Variants in TRIM33 observed in about 807,000 individuals in gnomAD.
TRIM33 encodes E3 ubiquitin-protein ligase TRIM33.
TRIM33 carries 20 observed loss-of-function variants against 125.4 expected under a neutral mutation model. The ratio of observed to expected loss-of-function variants is 0.16; its 90% CI spans 0.11 to 0.23. TRIM33 has a LOEUF of 0.23. Among genes scored for constraint, TRIM33 ranks in the 10% least tolerant of loss-of-function variants. The pLI, the probability that TRIM33 is intolerant of heterozygous loss-of-function variation, is 1.00. For synonymous variants in TRIM33, 564 were observed against 513.9 expected (o/e 1.10, Z -1.32); for missense variants, 920 against 1,411.4 (o/e 0.65, Z 5.58).
At position 114,511,045 on chromosome 1, in the gene TRIM33, T is replaced by C; in HGVS notation, c.32A>G (p.Glu11Gly). MAENKGGGEA[E>G]SGGGGSGSAP... is the part of the protein sequence containing the mutation. ...GCTGCCGCTGCCCCCGCCGCCGCTC[T>C]CAGCCTCGCCGCCGCCTTTGTTTTC... Residue 11 changes from glutamate (E) to glycine (G), a missense_variant, in exon 1 of 20, where the codon GAG (glutamate) becomes GGG (glycine). Around this residue, in one of 8 missense-constraint regions of TRIM33, gnomAD observed 233 missense variants for 189.6 expected, o/e 1.23. Transcript: ENST00000358465. 7.6e-7 allele frequency: 1 copy of C among 1,310,748 alleles called. No homozygotes were observed. Among genetic ancestry groups the C allele is most frequent in the South Asian group, 1.9e-5 (1 of 54,030 alleles). The allele number at this position is 1,310,748 out of a possible 1,614,324, so 81.2% of individuals were successfully genotyped here. A position where few individuals can be genotyped will look rare whatever the true frequency, so the allele number is the denominator to read the frequency against.
intron 4 of TRIM33, among the ~76,000 whole-genome samples, chr1:114,461,240 A>G (rs1649970326): frequency 6.8e-6 from 1 of 146,272 alleles, no homozygotes; most frequent in Admixed American, 6.9e-5. Flanking sequence ...ATATATACAT[A>G]TATTTATATT....
At chr1:114,502,606 A>C (rs1204977713) in intron 1 of TRIM33, among the ~76,000 whole-genome samples, 1 of 152,168 alleles carries the variant, frequency 6.6e-6, no homozygotes, top group Non-Finnish European at 1.5e-5. Flanking sequence ...TCCCAGCCTC[A>C]AGTGATCCTC....
intron 4 of TRIM33, among the ~76,000 whole-genome samples, chr1:114,444,724 G>A (rs1648869266): frequency 6.6e-6 from 1 of 152,158 alleles, no homozygotes; most frequent in East Asian, 1.9e-4. Flanking sequence ...TTCAGAGGAA[G>A]ATAAAATTTC....
chr1:114,420,298 A>G, intron 11 of TRIM33: 1 of 667,404 alleles, frequency 1.5e-6, no homozygotes, highest in South Asian at 1.5e-5. Flanking sequence ...AGTGTCTACT[A>G]TCTTGGCCTT....
rs1339018894 is a variant in TRIM33 at position 114,433,665 on chromosome 1, A to G, written c.992T>C (p.Leu331Pro). Reference protein sequence around the residue: ...GAIENLLAKLLEKKNYVHFAA... With the variant: ...GAIENLLAKLPEKKNYVHFAA... Reference sequence around the variant, plus strand: ...AAAATGAACATAATTCTTCTTCTCAAGAAGTTTCGCCAGTAGATTCTCAAT... The same window carrying G: ...AAAATGAACATAATTCTTCTTCTCAGGAAGTTTCGCCAGTAGATTCTCAAT... The change falls in exon 5 of 20, where the codon CTT becomes CCT. Residue 331 changes from leucine (L) to proline (P), a missense_variant. By Grantham distance (98) the Leu-to-Pro change is moderately conservative. Coordinates refer to ENST00000358465, the MANE Select transcript of TRIM33 (RefSeq NM_015906.4). 1 of 1,612,888 alleles carries G rather than the reference A, an allele frequency of 6.2e-7. No individual in the cohort carries two copies. Among genetic ancestry groups the G allele is most frequent in the South Asian group, 1.1e-5 (1 of 90,786 alleles).
intron 4 of TRIM33, among the ~76,000 whole-genome samples, chr1:114,461,382 T>G (rs1649990997): frequency 6.7e-6 from 1 of 150,060 alleles, no homozygotes; most frequent in Non-Finnish European, 1.5e-5. Context: ...AATGGCAGTT[T>G]GCAGGACTGA....
intron 1 of TRIM33, among the ~76,000 whole-genome samples, chr1:114,490,313 A>G (rs1046764349): frequency 6.6e-6 from 1 of 152,186 alleles, no homozygotes; most frequent in Non-Finnish European, 1.5e-5. Context: ...ATTAGCCACA[A>G]AAGAAATGCA....
intron 4 of TRIM33, among the ~76,000 whole-genome samples, chr1:114,439,569 T>A (rs115349929): frequency 0.026 from 3,839 of 148,816 alleles, 89 homozygotes; most frequent in Non-Finnish European, 0.034. Context: ...GAAAAGTCAT[T>A]AGTACATTAA....
intron 4 of TRIM33, among the ~76,000 whole-genome samples, chr1:114,434,512 GT>G (rs1490646898): frequency 5.9e-5 from 9 of 152,170 alleles, no homozygotes; most frequent in African/African-American, 1.9e-4. Context: ...AATGCTATAT[GT>G]TAAAATTTTC....
intron 11 of TRIM33, among the ~76,000 whole-genome samples, chr1:114,416,479 A>C (rs1227998896): frequency 1.3e-5 from 2 of 152,222 alleles, no homozygotes; most frequent in African/African-American, 4.8e-5. Flanking sequence ...TATAATCAAA[A>C]GCTATACAAA....
At chr1:114,441,793 C>T (rs189470376) in intron 4 of TRIM33, among the ~76,000 whole-genome samples, 7 of 152,316 alleles carry the variant, frequency 4.6e-5, no homozygotes, top group African/African-American at 1.7e-4. Flanking sequence ...CTCAAGTCTT[C>T]TCTCCTGATA....
intron 4 of TRIM33, among the ~76,000 whole-genome samples, chr1:114,443,365 C>G (rs1455160186): frequency 6.6e-6 from 1 of 151,614 alleles, no homozygotes; most frequent in African/African-American, 2.4e-5. Context: ...GCCTGGGTGA[C>G]AGAGTAAGAC....
intron 1 of TRIM33, among the ~76,000 whole-genome samples, chr1:114,467,573 G>A (rs1485502377): frequency 6.6e-6 from 1 of 152,012 alleles, no homozygotes; most frequent in Non-Finnish European, 1.5e-5. Context: ...TCAAATTTAG[G>A]AGACAGCTTT....
intron 13 of TRIM33, among the ~76,000 whole-genome samples, chr1:114,407,582 A>G (rs1423607203): frequency 6.6e-6 from 1 of 152,214 alleles, no homozygotes; most frequent in Non-Finnish European, 1.5e-5. Context: ...CACAGGAAAC[A>G]TGGAAGCTTA....
chr1:114,482,650 T>C lies in TRIM33; in HGVS notation c.527-18262A>G, dbSNP rs951293394. 3.9e-5 allele frequency among the ~76,000 whole-genome samples: 6 copies of C among 152,338 alleles called. No homozygotes were observed. In the South Asian group the frequency reaches 6.2e-4, roughly 16 times the overall value. The stretch of plus-strand genomic sequence containing the variant: ...TCTCATGTTGAATTGTAATCTCCAA[T>C]GTTGGAGGAGGGCCCCGGTGGGAGG... On this transcript the variant is annotated intron_variant, in intron 1 of 19. Coordinates refer to ENST00000358465, the MANE Select transcript of TRIM33 (RefSeq NM_015906.4).
chr1:114,489,747 A>T (rs187848288), intron 1 of TRIM33, among the ~76,000 whole-genome samples: 1 of 152,168 alleles, frequency 6.6e-6, no homozygotes, highest in Non-Finnish European at 1.5e-5. Flanking sequence ...CCTGTCTCAA[A>T]AAATAAATAA....
chr1:114,459,567 TAAATCC>T (rs1649830190), intron 4 of TRIM33, among the ~76,000 whole-genome samples: 2 of 152,162 alleles, frequency 1.3e-5, no homozygotes, highest in Non-Finnish European at 2.9e-5. Context: ...CCTAAGAGTT[TAAATCC>T]AGCCTGGGCG....
Position 114,511,164 on chromosome 1 carries a change from C to T in TRIM33, c.-88G>A. On this transcript the variant is annotated 5_prime_UTR_variant, in exon 1 of 20. Coordinates refer to ENST00000358465, the MANE Select transcript of TRIM33 (RefSeq NM_015906.4). ...CCGCCCCCAGCCCCAGCCGCAGCCG[C>T]AGCAAGAGCGGCAGCCGAGAGCTAG... 2 of 1,045,424 alleles carry T rather than the reference C, an allele frequency of 1.9e-6. No homozygotes were observed. The highest frequency in any genetic ancestry group is 2.3e-6 in the Non-Finnish European group (2 of 868,128). The allele number at this position is 1,045,424 out of a possible 1,614,324, so 64.8% of individuals were successfully genotyped here. A position where few individuals can be genotyped will look rare whatever the true frequency, so the allele number is the denominator to read the frequency against.
chr1:114,437,025 G>C (rs116553616), intron 4 of TRIM33, among the ~76,000 whole-genome samples: 109 of 152,248 alleles, frequency 7.2e-4, no homozygotes, highest in African/African-American at 2.6e-3. Context: ...TGATAGAAAG[G>C]TTAACTAGTA....
Sources: gnomAD v4.1 joint callset for allele counts (sites outside exome capture counted in the v4.1 genomes callset) on GRCh38, gnomAD v4.1.1 for gene constraint, gnomAD v4.1.1 regional missense constraint, MANE v1.5 for transcripts, NCBI Gene and HGNC (gene_info 2026-07-23, HGNC 2026-07-21) for gene names.